Variants in TBX19 observed in about 807,000 individuals in gnomAD.
TBX19 encodes T-box transcription factor TBX19.
TBX19 carries 33 observed loss-of-function variants against 40.9 expected under a neutral mutation model. The observed-to-expected ratio is 0.81, with a 90% CI of 0.61 to 1.08. The LOEUF (loss-of-function observed/expected upper bound fraction) is 1.08, where lower values mean the gene tolerates loss of function less well. Ranked by LOEUF, TBX19 falls within the 50% of genes least tolerant of loss-of-function variation. The pLI is 0.00. For missense variants in TBX19, 494 were observed against 574.0 expected (o/e 0.86, Z 1.42); for synonymous variants, 220 against 225.0 (o/e 0.98, Z 0.20).
intron 6 of TBX19, among the ~76,000 whole-genome samples, chr1:168,306,775 CAG>C (rs1649415321): frequency 6.6e-6 from 1 of 152,084 alleles, no homozygotes; most frequent in African/African-American, 2.4e-5. Context: ...ACTCCTGAGT[CAG>C]GGTCTGCATT....
chr1:168,301,057 T>C (rs1477793246), intron 5 of TBX19, among the ~76,000 whole-genome samples: 1 of 152,196 alleles, frequency 6.6e-6, no homozygotes, highest in Non-Finnish European at 1.5e-5. Context: ...GCAGCTGCAA[T>C]GCAACCCACG....
intron 7 of TBX19, among the ~76,000 whole-genome samples, chr1:168,309,081 TAGAAGGA>T (rs1649469041): frequency 6.6e-6 from 1 of 152,130 alleles, no homozygotes; most frequent in South Asian, 2.1e-4. Context: ...TTCTTTTATT[TAGAAGGA>T]TAGGCCGGGT....
intron 7 of TBX19, 125 bp downstream of exon 7, chr1:168,309,002 C>CT: frequency 6.6e-6 from 9 of 1,363,508 alleles, no homozygotes; most frequent in Non-Finnish European, 9.3e-6. Context: ...TTCTAAAACA[C>CT]TAAGAAGTCA....
chr1:168,293,169 A>G lies in TBX19; in HGVS notation c.494A>G (p.Tyr165Cys), dbSNP rs1167390841. Residue 165 changes from tyrosine to cysteine, a missense_variant, in exon 3 of 8, where the codon TAT becomes TGT. By Grantham distance (194) the Tyr-to-Cys change is radical. Coordinates refer to ENST00000367821, the MANE Select transcript of TBX19 (RefSeq NM_005149.3). ...GQIMLNSLHK[Y>C]EPQVHIVRVG... ...ATAATGTTGAATTCTCTGCATAAAT[A>G]TGAACCCCAGGTTCACATAGTGCGT... 2 of 1,614,016 alleles carry G rather than the reference A, an allele frequency of 1.2e-6. No homozygotes were observed. Among genetic ancestry groups the G allele is most frequent in the Admixed American group, 1.7e-5 (1 of 60,006 alleles).
At chr1:168,308,456 C>G in intron 6 of TBX19, 1 of 420,950 alleles carries the variant, frequency 2.4e-6, no homozygotes, top group South Asian at 2.1e-5. Flanking sequence ...TTAGACAGAT[C>G]GGTGTTACCC....
chr1:168,308,034 G>A (rs1649443146), intron 6 of TBX19: 1 of 152,096 alleles, frequency 6.6e-6, no homozygotes, highest in South Asian at 2.1e-4. Context: ...CCCACCCCTG[G>A]TAACCACTGT....
chr1:168,308,874 C>T lies in TBX19; in HGVS notation c.1049C>T (p.Pro350Leu). The change falls in exon 7 of 8, where the codon CCC becomes CTC. Residue 350 changes from proline to leucine, a missense_variant. Around this residue, in one of 3 missense-constraint regions of TBX19, gnomAD observed 284 missense variants for 307.3 expected, o/e 0.92. Transcript: ENST00000367821. ...PHTNGPINPG[P>L]SPYPCLWTIS... is the part of the protein sequence containing the mutation. The stretch of plus-strand genomic sequence containing the variant: ...ACCAACGGACCAATCAATCCAGGGC[C>T]CAGGTAAGACCAACACCATCAACTC... 6.2e-7 allele frequency: 1 copy of T among 1,614,048 alleles called. No individual in the cohort carries two copies. Among genetic ancestry groups the T allele is most frequent in the Non-Finnish European group, 8.5e-7 (1 of 1,180,012 alleles).
In TBX19 at chr1:168,280,999, A is replaced by C; in HGVS notation, c.-92A>C. On this transcript the variant is annotated 5_prime_UTR_variant, in exon 1 of 8. Transcript: ENST00000367821. ...TCTCTCCGCTCCCCAAGCACTGTTC[A>C]AGTGGGTTTGAAAAGCAGGCAAGTG... is the stretch of plus-strand genomic sequence containing the variant. 1 of 1,227,536 alleles carries C rather than the reference A, an allele frequency of 8.1e-7. No individual in the cohort carries two copies. Among genetic ancestry groups the C allele is most frequent in the Non-Finnish European group, 1.2e-6 (1 of 843,992 alleles). 76.0% of individuals were successfully genotyped at this position (1,227,536 alleles called of 1,614,324 possible). A position where few individuals can be genotyped will look rare whatever the true frequency, so the allele number is the denominator to read the frequency against.
intron 6 of TBX19, among the ~76,000 whole-genome samples, chr1:168,306,166 C>T (rs536169570): frequency 1.3e-5 from 2 of 152,290 alleles, no homozygotes; most frequent in Admixed American, 1.3e-4. Flanking sequence ...TTGGCAACCT[C>T]AACAGTTGCT....
In TBX19 at chr1:168,298,821, T is replaced by TC. The variant is rs1491344091; in HGVS notation, c.665+1038dup. ...TCCTCCCCTCCCTCCCTCCCTCCCT[T>TC]CCTTTCTTTCTTTCTTTCTTTCTTT... On this transcript the variant is annotated intron_variant, in intron 4 of 7. Coordinates refer to ENST00000367821, the MANE Select transcript of TBX19 (RefSeq NM_005149.3). Among the ~76,000 whole-genome samples, 120 of 13,650 alleles carry TC rather than the reference T, an allele frequency of 8.8e-3. 27 individuals carry two copies. Among genetic ancestry groups the TC allele is most frequent in the South Asian group, 0.018 (7 of 386 alleles). 9.0% of individuals were successfully genotyped at this position (13,650 alleles called of 152,430 possible).
chr1:168,294,246 G>T (rs1649043804), intron 3 of TBX19, among the ~76,000 whole-genome samples: 1 of 151,830 alleles, frequency 6.6e-6, no homozygotes, highest in Admixed American at 6.6e-5. Flanking sequence ...CTCCTTTTCT[G>T]TAGTGCCTGC....
At chr1:168,305,432 A>C (rs576038448) in intron 6 of TBX19, among the ~76,000 whole-genome samples, 20 of 152,222 alleles carry the variant, frequency 1.3e-4, no homozygotes, top group Non-Finnish European at 2.6e-4. Context: ...TAAAACCCCC[A>C]GTCTCCTGGT....
chr1:168,300,380 A>G (rs771448663), intron 4 of TBX19, 42 bp from the exon 5 acceptor site: 1 of 1,599,666 alleles, frequency 6.3e-7, no homozygotes, highest in Non-Finnish European at 8.6e-7. Context: ...GGACATACAT[A>G]AAAAGTTGGA....
Position 168,281,157 on chromosome 1 carries a change from G to T in TBX19, c.67G>T (p.Val23Leu), listed in dbSNP as rs535442563. The change falls in exon 1 of 8, where the codon GTG (valine) becomes TTG (leucine). Residue 23 changes from valine (V) to leucine (L), a missense_variant. Physicochemically the swap from Val to Leu is conservative, Grantham distance 32. This residue lies in a region of TBX19 where 201 missense variants were observed against 235.2 expected (regional missense o/e 0.85). Transcript: ENST00000367821. ...DGTVSHLLNVVESELQAGREK... is the reference protein window; with the variant it reads ...DGTVSHLLNVLESELQAGREK... ...CACTGTTTCTCATCTGCTCAATGTG[G>T]TGGAGAGTGAGCTTCAGGCAGGGAG... 3.1e-6 allele frequency: 5 copies of T among 1,614,172 alleles called. No individual in the cohort carries two copies. The South Asian group carries it at 5.5e-5, about 18-fold the overall frequency.
At position 168,281,184 on chromosome 1, in the gene TBX19, G is replaced by C; in HGVS notation, c.94G>C (p.Glu32Gln). 1 of 1,614,128 alleles carries C rather than the reference G, an allele frequency of 6.2e-7. No individual in the cohort carries two copies. The highest frequency in any genetic ancestry group is 1.3e-5 in the African/African-American group (1 of 75,034). ...GGAGAGTGAGCTTCAGGCAGGGAGG[G>C]AAAAAGGCGACCCTACGGAGAAGCA... ...VVESELQAGR[E>Q]KGDPTEKQLQ... Residue 32 changes from glutamate to glutamine, a missense_variant, in exon 1 of 8, where the codon GAA becomes CAA. By Grantham distance (29) the Glu-to-Gln change is conservative. This residue lies in a region of TBX19 where 201 missense variants were observed against 235.2 expected (regional missense o/e 0.85). Transcript: ENST00000367821.
At chr1:168,307,600 C>T (rs1050103925) in intron 6 of TBX19, among the ~76,000 whole-genome samples, 14 of 152,218 alleles carry the variant, frequency 9.2e-5, no homozygotes, top group South Asian at 4.2e-4. Context: ...CAGAGATAGA[C>T]GTTGGAATCT....
chr1:168,308,888 C>T lies in TBX19; in HGVS notation c.1052+11C>T, dbSNP rs769378709. ...CAATCCAGGGCCCAGGTAAGACCAA[C>T]ACCATCAACTCGCTCATTGGTCGTC... is the stretch of plus-strand genomic sequence containing the variant. On this transcript the variant is annotated intron_variant, in intron 7 of 7. Transcript: ENST00000367821. 1.9e-6 allele frequency: 3 copies of T among 1,614,032 alleles called. No individual in the cohort carries two copies. The highest frequency in any genetic ancestry group is 1.7e-5 in the Admixed American group (1 of 60,006).
At position 168,305,173 on chromosome 1, in the gene TBX19, T is replaced by C. The variant is rs760352144; in HGVS notation, c.893T>C (p.Met298Thr). The change falls in exon 6 of 8, where the codon ATG becomes ACG. Residue 298 changes from methionine to threonine, a missense_variant. Physicochemically the swap from Met to Thr is moderately conservative, Grantham distance 81 (BLOSUM62 -1). This residue lies in a region of TBX19 where 284 missense variants were observed against 307.3 expected (regional missense o/e 0.92). Transcript: ENST00000367821. ...HRQAPYPSAYMHRNHSPSVNL... is the reference protein window; with the variant it reads ...HRQAPYPSAYTHRNHSPSVNL... Reference sequence around the variant, plus strand: ...CAGGCTCCCTACCCTTCTGCGTACATGCACAGAAACCATTCTCCCTCAGGT... The same window carrying C: ...CAGGCTCCCTACCCTTCTGCGTACACGCACAGAAACCATTCTCCCTCAGGT... 1.9e-6 allele frequency: 3 copies of C among 1,612,918 alleles called. No homozygotes were observed.
chr1:168,281,839 T>C (rs1648660389), intron 1 of TBX19, among the ~76,000 whole-genome samples: 2 of 152,214 alleles, frequency 1.3e-5, no homozygotes, highest in Non-Finnish European at 2.9e-5. Context: ...TGTGTGTGTT[T>C]GTGATGATAT....
Sources: gnomAD v4.1 joint callset for allele counts (sites outside exome capture counted in the v4.1 genomes callset) on GRCh38, gnomAD v4.1.1 for gene constraint, gnomAD v4.1.1 regional missense constraint, MANE v1.5 for transcripts, NCBI Gene and HGNC (gene_info 2026-07-23, HGNC 2026-07-21) for gene names.